CADPS2: variants seen among roughly 807,000 people sequenced by gnomAD.
CADPS2 encodes the protein calcium-dependent secretion activator 2.
A neutral mutation model predicts 172.5 loss-of-function variants in CADPS2; 93 were observed. The ratio of observed to expected loss-of-function variants is 0.54; its 90% CI spans 0.46 to 0.64. CADPS2 has a LOEUF of 0.64. Among genes scored for constraint, CADPS2 ranks in the 30% least tolerant of loss-of-function variants. CADPS2 has a pLI of 0.00. For synonymous variants in CADPS2, 546 were observed against 555.2 expected, an observed-to-expected ratio of 0.98 and a Z score of 0.23; for missense variants, 1,420 against 1,565.9, an observed-to-expected ratio of 0.91 and a Z score of 1.57.
chr7:122,688,970 T>C (rs536889117), intron 2 of CADPS2, among the ~76,000 whole-genome samples: 1 of 152,242 alleles, frequency 6.6e-6, no homozygotes, highest in East Asian at 1.9e-4. Flanking sequence ...GTACATAGGT[T>C]TGATATATAG....
At chr7:122,373,123 A>T (rs1011838004) in intron 25 of CADPS2, among the ~76,000 whole-genome samples, 40 of 152,302 alleles carry the variant, frequency 2.6e-4, no homozygotes, top group Non-Finnish European at 5.4e-4. Flanking sequence ...TAACTCTTTT[A>T]AAAAAGTCAT....
chr7:122,791,902 C>A (rs1424766835), intron 1 of CADPS2, among the ~76,000 whole-genome samples: 5 of 152,138 alleles, frequency 3.3e-5, no homozygotes, highest in Non-Finnish European at 5.9e-5. Flanking sequence ...TTTGAAAAAT[C>A]ATCAATGGTA....
At chr7:122,498,196 C>T (rs1033744713) in intron 9 of CADPS2, among the ~76,000 whole-genome samples, 3 of 152,170 alleles carry the variant, frequency 2.0e-5, no homozygotes, top group Non-Finnish European at 4.4e-5. Flanking sequence ...GATCTGCCCA[C>T]CTTGGCCTTG....
At chr7:122,648,893 G>A (rs1010104340) in intron 3 of CADPS2, among the ~76,000 whole-genome samples, 1 of 152,088 alleles carries the variant, frequency 6.6e-6, no homozygotes, top group Non-Finnish European at 1.5e-5. Context: ...AGAACAATGC[G>A]TAGTGCTTGG....
chr7:122,321,944 A>G (rs1260987451), intron 29 of CADPS2, among the ~76,000 whole-genome samples: 3 of 152,258 alleles, frequency 2.0e-5, no homozygotes, highest in Non-Finnish European at 2.9e-5. Context: ...TGATTTTGTC[A>G]TAATAAGCTC....
intron 1 of CADPS2, among the ~76,000 whole-genome samples, chr7:122,739,216 T>C (rs1426234024): frequency 6.6e-6 from 1 of 152,114 alleles, no homozygotes; most frequent in Non-Finnish European, 1.5e-5. Context: ...AGTAAAATAA[T>C]GGCAATGGAA....
chr7:122,498,759 G>A (rs2058962750), intron 9 of CADPS2, among the ~76,000 whole-genome samples: 1 of 151,674 alleles, frequency 6.6e-6, no homozygotes, highest in Non-Finnish European at 1.5e-5. Context: ...TTTTGTTATT[G>A]TTTTTTATTA....
rs182111174 is a variant in CADPS2 at position 122,613,033 on chromosome 7, C to T, written c.1223+2148G>A. 2.5e-3 allele frequency among the ~76,000 whole-genome samples: 387 copies of T among 152,134 alleles called. 1 individual carries two copies. The highest frequency in any genetic ancestry group is 4.6e-3 in the Non-Finnish European group (314 of 67,962). On this transcript the variant is annotated intron_variant, in intron 6 of 29. Coordinates refer to ENST00000449022, the MANE Select transcript of CADPS2 (RefSeq NM_017954.11). ...CTGGACTCTTACATTACACCATATA[C>T]AAAAATCAACCTAAAATGGATCAGT...
chr7:122,337,638 C>T (rs1289586296), intron 28 of CADPS2, among the ~76,000 whole-genome samples: 2 of 151,838 alleles, frequency 1.3e-5, no homozygotes, highest in Middle Eastern at 3.2e-3. Flanking sequence ...AAAGTTGATC[C>T]TTTTATAAAT....
intron 15 of CADPS2, among the ~76,000 whole-genome samples, chr7:122,448,237 A>AT (rs2052563094): frequency 1.3e-5 from 2 of 152,134 alleles, no homozygotes; most frequent in African/African-American, 4.8e-5. Context: ...AGATCTTAGG[A>AT]TTTTTTAATC....
At chr7:122,387,291 C>A in intron 23 of CADPS2, 118 bp from the exon 24 acceptor site, 6 of 962,636 alleles carry the variant, frequency 6.2e-6, no homozygotes, top group Non-Finnish European at 7.6e-6. Context: ...AAGGAGTAAG[C>A]AGTGTGGCAG....
chr7:122,852,882 T>G (rs1814080315), intron 1 of CADPS2, among the ~76,000 whole-genome samples: 1 of 152,034 alleles, frequency 6.6e-6, no homozygotes, highest in African/African-American at 2.4e-5. Context: ...TTGGGGATGG[T>G]AAGGATGGAA....
intron 1 of CADPS2, among the ~76,000 whole-genome samples, chr7:122,803,536 C>A (rs1328207223): frequency 2.6e-5 from 4 of 152,132 alleles, no homozygotes; most frequent in African/African-American, 9.7e-5. Flanking sequence ...GAAAATGTGA[C>A]AAAGCCATAA....
intron 1 of CADPS2, among the ~76,000 whole-genome samples, chr7:122,883,890 T>G (rs1563249160): frequency 6.6e-6 from 1 of 152,222 alleles, no homozygotes; most frequent in African/African-American, 2.4e-5. Context: ...TGAAATTATC[T>G]TTGGTAATGC....
chr7:122,859,348 T>G (rs1179172763), intron 1 of CADPS2, among the ~76,000 whole-genome samples: 1 of 152,212 alleles, frequency 6.6e-6, no homozygotes, highest in Non-Finnish European at 1.5e-5. Flanking sequence ...TTAATGTATA[T>G]AATACCTGGT....
intron 1 of CADPS2, among the ~76,000 whole-genome samples, chr7:122,874,630 T>A (rs984508766): frequency 4.6e-5 from 7 of 152,166 alleles, no homozygotes; most frequent in African/African-American, 1.4e-4. Flanking sequence ...GACTTCAAAC[T>A]ATACTTTGAG....
intron 3 of CADPS2, among the ~76,000 whole-genome samples, chr7:122,660,005 G>T (rs1200510060): frequency 1.3e-5 from 2 of 152,094 alleles, no homozygotes; most frequent in Non-Finnish European, 2.9e-5. Context: ...CATGATAAAA[G>T]TTCTTCAGAG....
intron 18 of CADPS2, among the ~76,000 whole-genome samples, chr7:122,414,544 C>T (rs2047667204): frequency 6.6e-6 from 1 of 151,984 alleles, no homozygotes; most frequent in Admixed American, 6.6e-5. Context: ...GCTGTGTTAC[C>T]AGCCTAGAAA....
At position 122,388,708 on chromosome 7, in the gene CADPS2, A is replaced by T; in HGVS notation, c.3039T>A (p.Phe1013Leu). 1.2e-6 allele frequency: 2 copies of T among 1,609,376 alleles called. No individual in the cohort carries two copies. Among genetic ancestry groups the T allele is most frequent in the Non-Finnish European group, 1.7e-6 (2 of 1,177,100 alleles). The change falls in exon 23 of 30, where the codon TTT becomes TTA. Residue 1013 changes from phenylalanine (F) to leucine (L), a missense_variant. Physicochemically the swap from Phe to Leu is conservative, Grantham distance 22 (BLOSUM62 0). Coordinates refer to ENST00000449022, the MANE Select transcript of CADPS2 (RefSeq NM_017954.11). ...TNGSATSEDL[F>L]WKLDALQMFV... ...ACATTTGCAGTGCATCAAGCTTCCA[A>T]AAAAGGTCTTCTGATGTTGCTGAGC...
Sources: gnomAD v4.1 joint callset for allele counts (sites outside exome capture counted in the v4.1 genomes callset) on GRCh38, gnomAD v4.1.1 for gene constraint, MANE v1.5 for transcripts, NCBI Gene and HGNC (gene_info 2026-07-23, HGNC 2026-07-21) for gene names.